Variants in ZNF385D observed in about 807,000 individuals in gnomAD.
The protein encoded by ZNF385D is zinc finger protein 385D, also known as zinc finger protein 659.
Under a neutral mutation model 35.8 loss-of-function variants are expected in ZNF385D, and 15 were observed. The observed-to-expected ratio is 0.42, with a 90% CI of 0.28 to 0.64. ZNF385D has a LOEUF of 0.64. Ranked by LOEUF, ZNF385D falls within the 30% of genes least tolerant of loss-of-function variation. The pLI is 0.23. For synonymous variants in ZNF385D, 212 were observed against 186.8 expected (o/e 1.13, Z -1.10); for missense variants, 474 against 494.6 (o/e 0.96, Z 0.39).
At chr3:21,687,142 G>C (rs576707443) in intron 1 of ZNF385D, among the ~76,000 whole-genome samples, 2 of 152,070 alleles carry the variant, frequency 1.3e-5, no homozygotes, top group Non-Finnish European at 2.9e-5. Flanking sequence ...TTATACAAAC[G>C]GAGAACCCAG....
At chr3:21,535,295 T>C (rs986982576) in intron 3 of ZNF385D, among the ~76,000 whole-genome samples, 1 of 152,130 alleles carries the variant, frequency 6.6e-6, no homozygotes, top group African/African-American at 2.4e-5. Context: ...ATGGTGCCCT[T>C]CTAGCACACC....
At chr3:22,150,263 T>C (rs1003850019) in intron 3 of ZNF385D, among the ~76,000 whole-genome samples, 34 of 152,198 alleles carry the variant, frequency 2.2e-4, no homozygotes, top group African/African-American at 7.2e-4. Context: ...TAGGGCCTCA[T>C]ATACATCTCA....
At chr3:21,696,345 T>G (rs1394064381) in intron 1 of ZNF385D, among the ~76,000 whole-genome samples, 1 of 152,202 alleles carries the variant, frequency 6.6e-6, no homozygotes, top group Admixed American at 6.5e-5. Context: ...GAAATGGAGA[T>G]AGTAAACTCT....
At chr3:21,708,838 G>A (rs941547303) in intron 1 of ZNF385D, among the ~76,000 whole-genome samples, 2 of 149,958 alleles carry the variant, frequency 1.3e-5, no homozygotes, top group South Asian at 4.2e-4. Flanking sequence ...AATAATTAAA[G>A]CATCCGAAGT....
intron 2 of ZNF385D, among the ~76,000 whole-genome samples, chr3:22,275,227 G>C (rs1232288245): frequency 6.6e-6 from 1 of 151,998 alleles, no homozygotes; most frequent in Non-Finnish European, 1.5e-5. Context: ...AACCTGATTA[G>C]AAAACTAAAA....
At chr3:22,340,943 C>T (rs1344848550) in intron 2 of ZNF385D, among the ~76,000 whole-genome samples, 1 of 152,122 alleles carries the variant, frequency 6.6e-6, no homozygotes, top group African/African-American at 2.4e-5. Flanking sequence ...CTATCTCTTC[C>T]CATATTATCA....
In ZNF385D at chr3:21,721,986, G is replaced by A. The variant is rs181480075; in HGVS notation, c.22+28909C>T. On this transcript the variant is annotated intron_variant, in intron 1 of 7. Coordinates refer to ENST00000281523, the MANE Select transcript of ZNF385D (RefSeq NM_024697.3). ...GTGGTGGCGTGTGCCTATAGTCCCA[G>A]CTACTCAGGAGGCTGAGGGAGGAGA... Among the ~76,000 whole-genome samples the A allele has an allele frequency of 6.2e-4, 94 of 151,770 alleles. 1 individual carries two copies. The highest frequency in any genetic ancestry group is 2.2e-3 in the African/African-American group (91 of 41,424).
At chr3:21,999,673 A>G (rs2125411795) in intron 3 of ZNF385D, among the ~76,000 whole-genome samples, 1 of 152,192 alleles carries the variant, frequency 6.6e-6, no homozygotes, top group South Asian at 2.1e-4. Flanking sequence ...TACTAGTAAG[A>G]CTTATAGCAG....
intron 3 of ZNF385D, among the ~76,000 whole-genome samples, chr3:22,035,725 G>C (rs1465147985): frequency 6.6e-6 from 1 of 152,080 alleles, no homozygotes; most frequent in African/African-American, 2.4e-5. Flanking sequence ...GTTTCTAAGG[G>C]GAGTTTCTGA....
At chr3:22,070,711 T>C (rs1221931478) in intron 3 of ZNF385D, among the ~76,000 whole-genome samples, 2 of 152,172 alleles carry the variant, frequency 1.3e-5, no homozygotes, top group African/African-American at 2.4e-5. Context: ...TTTTATAATG[T>C]TGAAGCTTTA....
At chr3:21,752,467 T>A (rs889763360), upstream of ZNF385D, among the ~76,000 whole-genome samples, 15 of 152,190 alleles carry the variant, frequency 9.9e-5, no homozygotes, top group Non-Finnish European at 1.9e-4. Flanking sequence ...ATTCTATATC[T>A]CTTGGTGGAT....
At chr3:21,733,263 T>C (rs1401376532) in intron 1 of ZNF385D, among the ~76,000 whole-genome samples, 1 of 152,208 alleles carries the variant, frequency 6.6e-6, no homozygotes, top group African/African-American at 2.4e-5. Flanking sequence ...CTTTCACCAA[T>C]ACCACAATAT....
At chr3:22,159,205 A>T (rs1260526927) in intron 3 of ZNF385D, among the ~76,000 whole-genome samples, 1 of 152,182 alleles carries the variant, frequency 6.6e-6, no homozygotes, top group East Asian at 1.9e-4. Context: ...AGTTCTTCAA[A>T]CTTCCCTAAA....
In ZNF385D at chr3:22,220,108, G is replaced by C. The variant is rs113843645; in HGVS notation, c.107-51073C>G. Reference sequence around the variant, plus strand: ...GACAGGGTCTTGGTTTTGTCATTCAGGCTGGATTGCAGTGGTAGGATCATG... The same window carrying C: ...GACAGGGTCTTGGTTTTGTCATTCACGCTGGATTGCAGTGGTAGGATCATG... On this transcript the variant is annotated intron_variant, in intron 2 of 5. Transcript: ENST00000494108. 3.8e-3 allele frequency among the ~76,000 whole-genome samples: 566 copies of C among 148,730 alleles called. 6 individuals are homozygous for C. Among genetic ancestry groups the C allele is most frequent in the African/African-American group, 0.013 (519 of 40,312 alleles).
chr3:21,785,936 C>T (rs2071671205), intron 3 of ZNF385D, among the ~76,000 whole-genome samples: 1 of 152,076 alleles, frequency 6.6e-6, no homozygotes, highest in Admixed American at 6.6e-5. Context: ...GCACTGGCAA[C>T]CAAGCTTGAC....
At position 22,243,099 on chromosome 3, in the gene ZNF385D, A is replaced by C. The variant is rs976836237; in HGVS notation, c.107-74064T>G. 2.6e-5 allele frequency among the ~76,000 whole-genome samples: 4 copies of C among 151,092 alleles called. 1 individual carries two copies. Among genetic ancestry groups the C allele is most frequent in the African/African-American group, 9.8e-5 (4 of 40,836 alleles). On this transcript the variant is annotated intron_variant, in intron 2 of 5. Transcript: ENST00000494108. ...AGCACTATCAAAGGAAAACTACAGA[A>C]TGGGAGAAAATATTTGCAAATCATA...
intron 2 of ZNF385D, among the ~76,000 whole-genome samples, chr3:22,321,104 C>G (rs1192919085): frequency 6.8e-6 from 1 of 147,808 alleles, no homozygotes; most frequent in African/African-American, 2.5e-5. Context: ...ACACTTCATC[C>G]TGTTCAAATT....
intron 2 of ZNF385D, among the ~76,000 whole-genome samples, chr3:22,299,968 A>G (rs1291221957): frequency 6.6e-6 from 1 of 151,988 alleles, no homozygotes; most frequent in African/African-American, 2.4e-5. Context: ...TCTAAAATTC[A>G]TATGGAACCA....
chr3:22,228,108 G>C (rs1337214667), intron 2 of ZNF385D, among the ~76,000 whole-genome samples: 2 of 152,184 alleles, frequency 1.3e-5, no homozygotes, highest in East Asian at 1.9e-4. Flanking sequence ...AAGATGGTAA[G>C]ATAGCAGAGA....
Sources: allele counts gnomAD v4.1 joint callset (sites outside exome capture counted in the v4.1 genomes callset), GRCh38; gene constraint gnomAD v4.1.1; transcripts MANE v1.5; gene names NCBI Gene and HGNC (gene_info 2026-07-23, HGNC 2026-07-21).